GABRG3: variants seen among roughly 807,000 people sequenced by gnomAD.
The protein encoded by GABRG3 is gamma-aminobutyric acid receptor subunit gamma-3.
In GABRG3, 25 loss-of-function variants were observed where a neutral mutation model predicts 48.8. The ratio of observed to expected loss-of-function variants is 0.51; its 90% CI spans 0.37 to 0.72. The LOEUF is 0.72. GABRG3 is among the 30% of genes least tolerant of loss of function. The pLI is 0.00. For missense variants in GABRG3, 394 were observed against 577.9 expected, an observed-to-expected ratio of 0.68 and a Z score of 3.26; for synonymous variants, 227 against 217.6, an observed-to-expected ratio of 1.04 and a Z score of -0.38.
intron 3 of GABRG3, among the ~76,000 whole-genome samples, chr15:27,054,187 C>T (rs774063890): frequency 5.3e-5 from 8 of 151,580 alleles, no homozygotes; most frequent in African/African-American, 1.5e-4. Flanking sequence ...TGCAGTGAGC[C>T]GAGATCGCAC....
intron 3 of GABRG3, among the ~76,000 whole-genome samples, chr15:27,092,138 C>T (rs1463996306): frequency 1.3e-5 from 2 of 152,060 alleles, no homozygotes; most frequent in Non-Finnish European, 2.9e-5. Flanking sequence ...CTCACCTGGC[C>T]CTCTACGGGA....
chr15:26,990,112 C>T (rs1287776192), intron 2 of GABRG3, among the ~76,000 whole-genome samples: 2 of 152,158 alleles, frequency 1.3e-5, no homozygotes, highest in East Asian at 3.9e-4. Flanking sequence ...CTTCCATATA[C>T]TAATTTCCTT....
At chr15:27,167,610 C>A (rs980567686) in intron 3 of GABRG3, among the ~76,000 whole-genome samples, 1 of 152,152 alleles carries the variant, frequency 6.6e-6, no homozygotes, top group African/African-American at 2.4e-5. Flanking sequence ...AATGAGACCC[C>A]TCTCAAGGGC....
At chr15:27,400,082 G>T (rs1416100924) in intron 5 of GABRG3, among the ~76,000 whole-genome samples, 3 of 152,090 alleles carry the variant, frequency 2.0e-5, no homozygotes, top group Admixed American at 2.0e-4. Flanking sequence ...TGCTATGAAG[G>T]GATTTGTCTG....
rs146924899 is a variant in GABRG3 at position 27,448,495 on chromosome 15, C to T, written c.575-32155C>T. Among the ~76,000 whole-genome samples, 37 of 152,270 alleles carry T rather than the reference C, an allele frequency of 2.4e-4. No homozygotes were observed. The East Asian group carries it at 5.4e-3, about 22-fold the overall frequency. The stretch of plus-strand genomic sequence containing the variant: ...AAAAAATAGAATATGAGCACACTTA[C>T]GTGGCACTGGGATGTGATGATACTA... On this transcript the variant is annotated intron_variant, in intron 5 of 9. Coordinates refer to ENST00000615808, the MANE Select transcript of GABRG3 (RefSeq NM_033223.5).
chr15:27,220,276 T>C (rs1889407577), intron 3 of GABRG3, among the ~76,000 whole-genome samples: 1 of 152,214 alleles, frequency 6.6e-6, no homozygotes, highest in African/African-American at 2.4e-5. Flanking sequence ...ATTGAGATTC[T>C]TTTATTTATA....
At chr15:27,293,070 C>T (rs1435643348) in intron 3 of GABRG3, among the ~76,000 whole-genome samples, 1 of 152,192 alleles carries the variant, frequency 6.6e-6, no homozygotes, top group African/African-American at 2.4e-5. Context: ...ATGCCGTGAA[C>T]TTGCATGCCT....
intron 3 of GABRG3, among the ~76,000 whole-genome samples, chr15:27,184,029 A>G (rs1014897212): frequency 1.3e-5 from 2 of 152,364 alleles, no homozygotes; most frequent in African/African-American, 2.4e-5. Flanking sequence ...CGTGTATTTC[A>G]TATACACATG....
intron 3 of GABRG3, among the ~76,000 whole-genome samples, chr15:27,228,267 C>T (rs1889686678): frequency 6.6e-6 from 1 of 152,136 alleles, no homozygotes; most frequent in African/African-American, 2.4e-5. Flanking sequence ...TCTTCATGTT[C>T]GTGAGTTCTC....
intron 3 of GABRG3, among the ~76,000 whole-genome samples, chr15:27,124,394 T>C (rs2140378355): frequency 6.6e-6 from 1 of 152,320 alleles, no homozygotes; most frequent in South Asian, 2.1e-4. Context: ...GTGGCTCTGC[T>C]GCTGGGCTCT....
intron 3 of GABRG3, among the ~76,000 whole-genome samples, chr15:27,228,397 A>G (rs935787296): frequency 2.0e-5 from 3 of 152,172 alleles, no homozygotes; most frequent in Admixed American, 6.5e-5. Flanking sequence ...ACATGTTCTC[A>G]TTCTTTTTTA....
At chr15:27,223,413 C>T (rs1279268792) in intron 3 of GABRG3, among the ~76,000 whole-genome samples, 2 of 152,034 alleles carry the variant, frequency 1.3e-5, no homozygotes, top group Non-Finnish European at 2.9e-5. Flanking sequence ...GGGTGGATTT[C>T]CTGAGGAAGG....
chr15:27,211,787 C>T (rs1889088228), intron 3 of GABRG3, among the ~76,000 whole-genome samples: 1 of 152,168 alleles, frequency 6.6e-6, no homozygotes, highest in South Asian at 2.1e-4. Flanking sequence ...GCAGGACTTA[C>T]TATATATTCA....
intron 3 of GABRG3, among the ~76,000 whole-genome samples, chr15:27,160,507 A>G (rs1353120301): frequency 1.3e-5 from 2 of 152,154 alleles, no homozygotes; most frequent in Non-Finnish European, 2.9e-5. Context: ...TCTCTTTTAT[A>G]AGACTTCTCT....
chr15:27,228,309 T>TA (rs1297138551), intron 3 of GABRG3, among the ~76,000 whole-genome samples: 1 of 152,240 alleles, frequency 6.6e-6, no homozygotes, highest in East Asian at 1.9e-4. Flanking sequence ...AATGAGAACA[T>TA]ACGGTATCTG....
chr15:27,056,955 T>C (rs13380359), intron 3 of GABRG3, among the ~76,000 whole-genome samples: 13,979 of 152,054 alleles, frequency 0.092, 920 homozygotes, highest in East Asian at 0.31. Context: ...AAAAATATTG[T>C]CCCTGTCTCC....
At chr15:27,461,413 G>GTC (rs890082689) in intron 5 of GABRG3, among the ~76,000 whole-genome samples, 3 of 152,150 alleles carry the variant, frequency 2.0e-5, no homozygotes, top group Non-Finnish European at 4.4e-5. Flanking sequence ...TGGGTTCTTG[G>GTC]TCTCTCTGAC....
chr15:27,337,933 G>A (rs187079788), intron 5 of GABRG3, among the ~76,000 whole-genome samples: 1 of 152,270 alleles, frequency 6.6e-6, no homozygotes, highest in Non-Finnish European at 1.5e-5. Flanking sequence ...TTGGAACACA[G>A]GCTAGAGAAG....
chr15:27,441,558 G>A (rs1219668372), intron 5 of GABRG3, among the ~76,000 whole-genome samples: 1 of 152,144 alleles, frequency 6.6e-6, no homozygotes, highest in East Asian at 1.9e-4. Context: ...CTCCTCTCCT[G>A]GCATCACAGA....
Sources: gnomAD v4.1 joint callset for allele counts (sites outside exome capture counted in the v4.1 genomes callset) on GRCh38, gnomAD v4.1.1 for gene constraint, MANE v1.5 for transcripts, NCBI Gene and HGNC (gene_info 2026-07-23, HGNC 2026-07-21) for gene names.